The following ZNF585A variants were observed in gnomAD, a reference collection of about 807,000 sequenced individuals.
ZNF585A encodes zinc finger protein 585A.
ZNF585A carries 9 observed loss-of-function variants against 14.9 expected under a neutral mutation model. The observed-to-expected ratio is 0.60, with a 90% confidence interval of 0.36 to 1.05. The LOEUF (loss-of-function observed/expected upper bound fraction) is 1.05. Ranked by LOEUF, ZNF585A falls within the 50% of genes least tolerant of loss-of-function variation. The probability of loss-of-function intolerance (pLI) is 0.01; values close to 1 mark genes in which losing one functional copy is unlikely to be tolerated. For synonymous variants in ZNF585A, 276 were observed against 319.9 expected, an observed-to-expected ratio of 0.86 and a Z score of 1.46; for missense variants, 726 against 926.4, an observed-to-expected ratio of 0.78 and a Z score of 2.81.
At chr19:37,153,811 T>A (rs532766767) in intron 4 of ZNF585A, among the ~76,000 whole-genome samples, 67 of 152,354 alleles carry the variant, frequency 4.4e-4, no homozygotes, top group Non-Finnish European at 7.6e-4. Flanking sequence ...ACTATCCTTA[T>A]AGTCATATTG....
chr19:37,164,790 G>A (rs62110077), intron 2 of ZNF585A, among the ~76,000 whole-genome samples: 114 of 152,216 alleles, frequency 7.5e-4, no homozygotes, highest in Non-Finnish European at 1.6e-3. Flanking sequence ...TCCAATCTCA[G>A]CCTCCCAAGT....
At chr19:37,163,045 T>G (rs1009841963) in intron 2 of ZNF585A, among the ~76,000 whole-genome samples, 1 of 152,074 alleles carries the variant, frequency 6.6e-6, no homozygotes, top group Non-Finnish European at 1.5e-5. Flanking sequence ...ATCACACACT[T>G]GCATATTCAT....
In ZNF585A at chr19:37,152,392, A is replaced by G. The variant is rs748725887; in HGVS notation, c.1507T>C (p.Phe503Leu). The G allele has an allele frequency of 1.2e-6, 2 of 1,613,772 alleles. No homozygotes were observed. Among genetic ancestry groups the G allele is most frequent in the African/African-American group, 2.7e-5 (2 of 74,802 alleles). Residue 503 changes from phenylalanine to leucine, a missense_variant, in exon 5 of 5, where the codon TTC (phenylalanine) becomes CTC (leucine). By Grantham distance (22) the Phe-to-Leu change is conservative. Transcript: ENST00000292841. ...GTAATCAAGTCTGACCTCTGGGTGA[A>G]GGCCTTTCCACATTTGGAACATATA... The part of the protein sequence containing the change: ...SYICSKCGKA[F>L]TQRSDLITHQ...
intron 2 of ZNF585A, among the ~76,000 whole-genome samples, chr19:37,160,953 G>A (rs12463321): frequency 0.13 from 19,659 of 151,818 alleles, 1,765 homozygotes; most frequent in East Asian, 0.4. Context: ...CTGCAGCCTC[G>A]AACTCCTGGG....
In ZNF585A at chr19:37,153,181, T is replaced by G; in HGVS notation, c.718A>C (p.Arg240=). 1 of 1,614,196 alleles carries G rather than the reference T, an allele frequency of 6.2e-7. No homozygotes were observed. The highest frequency in any genetic ancestry group is 8.5e-7 in the Non-Finnish European group (1 of 1,180,036). The change falls in exon 5 of 5, where the codon AGA becomes CGA. Residue 240 remains arginine, a synonymous_variant. Coordinates refer to ENST00000292841, the MANE Select transcript of ZNF585A (RefSeq NM_001288800.2). The part of the protein sequence containing the change: ...SIHEKIHTGE[R]HHECTDCGKA... ...CCACAGTCAGTGCATTCATGGTGTC[T>G]CTCTCCAGTATGAATTTTCTCATGT...
rs1392979231 is a variant in ZNF585A at position 37,148,621 on chromosome 19, C to T, written c.*2968G>A. 6.6e-6 allele frequency: 1 copy of T among 152,160 alleles called. No homozygotes were observed. Among genetic ancestry groups the T allele is most frequent in the Non-Finnish European group, 1.5e-5 (1 of 68,032 alleles). 9.4% of individuals were successfully genotyped at this position (152,160 alleles called of 1,614,324 possible). A position where few individuals can be genotyped will look rare whatever the true frequency, so the allele number is the denominator to read the frequency against. On this transcript the variant is annotated 3_prime_UTR_variant, in exon 5 of 5. Coordinates refer to ENST00000292841, the MANE Select transcript of ZNF585A (RefSeq NM_001288800.2). The stretch of plus-strand genomic sequence containing the variant: ...ACAACTGTCAAAACTCAGAACTCTA[C>T]ACTAAAAAGTGTGACTATTACTGAA...
At chr19:37,161,180 CA>C (rs55691375) in intron 2 of ZNF585A, among the ~76,000 whole-genome samples, 148,289 of 149,972 alleles carry the variant, frequency 0.99, 73,320 homozygotes, top group African/African-American at 1. Flanking sequence ...AACACAGTAA[CA>C]AAAAAAAAAA....
chr19:37,146,162 C>T lies in ZNF585A; in HGVS notation c.*5427G>A, dbSNP rs561046160. 1 of 152,120 alleles carries T rather than the reference C, an allele frequency of 6.6e-6. No individual in the cohort carries two copies. The highest frequency in any genetic ancestry group is 2.4e-5 in the African/African-American group (1 of 41,386). 9.4% of individuals were successfully genotyped at this position (152,120 alleles called of 1,614,324 possible). On this transcript the variant is annotated 3_prime_UTR_variant, in exon 5 of 5. Coordinates refer to ENST00000292841, the MANE Select transcript of ZNF585A (RefSeq NM_001288800.2). ...CTTTGGGTGGCCGAGGTGGGCAAAT[C>T]GTGAGGTCAGGAGATTGAGACCATC... is the stretch of plus-strand genomic sequence containing the variant.
intron 2 of ZNF585A, among the ~76,000 whole-genome samples, chr19:37,160,833 A>G (rs1252795256): frequency 6.6e-6 from 1 of 152,140 alleles, no homozygotes; most frequent in Non-Finnish European, 1.5e-5. Flanking sequence ...CCTCTAGGCT[A>G]GATAGTTCTA....
In ZNF585A at chr19:37,152,075, G is replaced by A. The variant is rs1335951454; in HGVS notation, c.1824C>T (p.Cys608=). 1.3e-6 allele frequency: 2 copies of A among 1,599,272 alleles called. No homozygotes were observed. The highest frequency in any genetic ancestry group is 3.4e-5 in the Admixed American group (2 of 58,046). The change falls in exon 5 of 5, where the codon TGC becomes TGT. Residue 608 remains cysteine (C), a synonymous_variant. Transcript: ENST00000292841. ...RIHTGEKPYE[C]SDCGKSFTSK... ...AGGTAAAGGACTTCCCACAGTCACTGCATTCATAAGGCTTCTCTCCAGTAT... is the reference window on the plus strand; with the variant it reads ...AGGTAAAGGACTTCCCACAGTCACTACATTCATAAGGCTTCTCTCCAGTAT...
At chr19:37,153,788 G>T (rs947121947) in intron 4 of ZNF585A, among the ~76,000 whole-genome samples, 182 bp from the exon 5 acceptor site, 44 of 152,148 alleles carry the variant, frequency 2.9e-4, no homozygotes, top group Admixed American at 2.7e-3. Flanking sequence ...GGGTTCACAT[G>T]AATTATTTTT....
At chr19:37,163,702 C>T (rs1368233719) in intron 2 of ZNF585A, among the ~76,000 whole-genome samples, 2 of 151,464 alleles carry the variant, frequency 1.3e-5, no homozygotes, top group African/African-American at 2.4e-5. Context: ...AGAGTAGATT[C>T]GAATATTTAG....
At chr19:37,164,991 TG>T (rs1238045238) in intron 2 of ZNF585A, among the ~76,000 whole-genome samples, 8 of 152,190 alleles carry the variant, frequency 5.3e-5, no homozygotes, top group African/African-American at 1.7e-4. Flanking sequence ...AGTTAAAAAA[TG>T]AAAATCTTAA....
intron 2 of ZNF585A, among the ~76,000 whole-genome samples, chr19:37,162,581 C>T (rs1341508934): frequency 6.6e-6 from 1 of 152,120 alleles, no homozygotes; most frequent in Non-Finnish European, 1.5e-5. Context: ...ATCTAAATGC[C>T]CATCAGTGAT....
At chr19:37,167,761 C>A (rs1972120047) in intron 2 of ZNF585A, among the ~76,000 whole-genome samples, 2 of 152,012 alleles carry the variant, frequency 1.3e-5, no homozygotes, top group South Asian at 4.1e-4. Flanking sequence ...GCTGGGATTA[C>A]TGGTGCGTGG....
intron 2 of ZNF585A, among the ~76,000 whole-genome samples, chr19:37,160,254 T>A (rs1568496540): frequency 6.6e-6 from 1 of 151,320 alleles, no homozygotes; most frequent in African/African-American, 2.4e-5. Flanking sequence ...GGCAGGAGAA[T>A]CACTTGAGCC....
intron 2 of ZNF585A, among the ~76,000 whole-genome samples, chr19:37,167,119 C>T (rs1972104611): frequency 6.6e-6 from 1 of 152,038 alleles, no homozygotes. Flanking sequence ...CAGGCATGAG[C>T]CACTACACCC....
Position 37,153,047 on chromosome 19 carries a change from A to T in ZNF585A, c.852T>A (p.His284Gln), listed in dbSNP as rs1410663853. The change falls in exon 5 of 5, where the codon CAT (histidine) becomes CAA (glutamine). Residue 284 changes from histidine (H) to glutamine (Q), a missense_variant. Transcript: ENST00000292841. ...TATGAATTCTTCGGTGTGCAATCAA[A>T]TGGGTCTTCTGGATGAAGGCCTGTC... is the stretch of plus-strand genomic sequence containing the variant. ...ECGQAFIQKT[H>Q]LIAHRRIHTG... The T allele has an allele frequency of 2.5e-6, 4 of 1,614,192 alleles. No individual in the cohort carries two copies. Among genetic ancestry groups the T allele is most frequent in the Non-Finnish European group, 2.5e-6 (3 of 1,180,036 alleles).
chr19:37,164,294 T>C (rs1393091203), intron 2 of ZNF585A, among the ~76,000 whole-genome samples: 1 of 151,842 alleles, frequency 6.6e-6, no homozygotes, highest in Non-Finnish European at 1.5e-5. Context: ...TCCCAGCTAC[T>C]CGGGAGGCTG....
Sources: allele counts gnomAD v4.1 joint callset (sites outside exome capture counted in the v4.1 genomes callset), GRCh38; gene constraint gnomAD v4.1.1; transcripts MANE v1.5; gene names NCBI Gene and HGNC (gene_info 2026-07-23, HGNC 2026-07-21).